CSMD1: variants seen among roughly 807,000 people sequenced by gnomAD.
The protein encoded by CSMD1 is CUB and sushi domain-containing protein 1.
Under a neutral mutation model 417.5 loss-of-function variants are expected in CSMD1, and 213 were observed. The ratio of observed to expected loss-of-function variants is 0.51; its 90% confidence interval spans 0.46 to 0.57. CSMD1 has a LOEUF of 0.57. Among genes scored for constraint, CSMD1 ranks in the 20% least tolerant of loss-of-function variants. CSMD1 has a pLI of 0.00. For missense variants in CSMD1, 6,923 were observed against 4,529.7 expected, an observed-to-expected ratio of 1.53 and a Z score of -15.17; for synonymous variants, 2,862 against 1,736.8, an observed-to-expected ratio of 1.65 and a Z score of -16.11.
chr8:3,403,304 A>T (rs909777646), intron 15 of CSMD1, among the ~76,000 whole-genome samples: 2 of 151,896 alleles, frequency 1.3e-5, no homozygotes, highest in African/African-American at 2.4e-5. Flanking sequence ...TTGCTATTTT[A>T]TTTTTTTCCC....
chr8:4,451,130 C>G (rs12549823), intron 2 of CSMD1, among the ~76,000 whole-genome samples: 20,830 of 152,168 alleles, frequency 0.14, 1,856 homozygotes, highest in South Asian at 0.27. Flanking sequence ...GAGATCCAGA[C>G]TAGCCTGGGC....
intron 40 of CSMD1, among the ~76,000 whole-genome samples, chr8:3,149,091 C>G (rs1383129508): frequency 3.3e-5 from 5 of 152,084 alleles, no homozygotes; most frequent in African/African-American, 1.2e-4. Context: ...TCATTTCAGT[C>G]TTTCTTTAAA....
chr8:3,953,534 G>A (rs1402341013), intron 5 of CSMD1, among the ~76,000 whole-genome samples: 2 of 152,120 alleles, frequency 1.3e-5, no homozygotes, highest in East Asian at 3.9e-4. Context: ...ATTGCCCTGA[G>A]TGGAGTTTTA....
At chr8:4,665,394 T>C (rs1684820672) in intron 1 of CSMD1, among the ~76,000 whole-genome samples, 1 of 152,054 alleles carries the variant, frequency 6.6e-6, no homozygotes, top group South Asian at 2.1e-4. Flanking sequence ...GGTCCATGAG[T>C]CGTGAAAGTT....
intron 5 of CSMD1, among the ~76,000 whole-genome samples, chr8:3,788,918 G>T (rs554912714): frequency 9.9e-5 from 15 of 152,274 alleles, no homozygotes; most frequent in African/African-American, 3.4e-4. Context: ...AGGGACTTAG[G>T]CTATGGGTAC....
intron 1 of CSMD1, among the ~76,000 whole-genome samples, chr8:4,808,148 A>T (rs932964472): frequency 6.6e-6 from 1 of 152,182 alleles, no homozygotes; most frequent in Non-Finnish European, 1.5e-5. Context: ...CACCACCACG[A>T]TTCCGGCGGT....
At chr8:4,942,665 G>A (rs142253552) in intron 1 of CSMD1, among the ~76,000 whole-genome samples, 1 of 152,118 alleles carries the variant, frequency 6.6e-6, no homozygotes, top group African/African-American at 2.4e-5. Context: ...ATACACATGT[G>A]AGTCACCGCA....
chr8:4,376,527 A>G (rs1247311343), intron 3 of CSMD1, among the ~76,000 whole-genome samples: 1 of 152,172 alleles, frequency 6.6e-6, no homozygotes, highest in Non-Finnish European at 1.5e-5. Context: ...AGTATATTTA[A>G]TCAATTTTTA....
At chr8:3,329,886 G>T (rs13262776) in intron 23 of CSMD1, among the ~76,000 whole-genome samples, 7,611 of 152,272 alleles carry the variant, frequency 0.05, 281 homozygotes, top group East Asian at 0.18. Context: ...GAGGCTCATG[G>T]AAATGCTTTG....
chr8:4,501,225 GC>G (rs1314869351), intron 2 of CSMD1, among the ~76,000 whole-genome samples: 3 of 151,822 alleles, frequency 2.0e-5, no homozygotes, highest in Admixed American at 6.6e-5. Context: ...CTATAACATT[GC>G]TGGGCCAGAG....
intron 1 of CSMD1, among the ~76,000 whole-genome samples, chr8:4,708,418 T>C (rs376550954): frequency 4.9e-4 from 75 of 152,308 alleles, no homozygotes; most frequent in African/African-American, 1.8e-3. Context: ...TGGTAAAAAG[T>C]AAAACTGCTA....
chr8:3,508,947 C>T (rs890516608), intron 10 of CSMD1, among the ~76,000 whole-genome samples: 9 of 152,118 alleles, frequency 5.9e-5, no homozygotes, highest in Non-Finnish European at 1.0e-4. Flanking sequence ...ACTTAAAGTC[C>T]TCATGCTTAG....
At chr8:4,049,357 G>C (rs1034995376) in intron 3 of CSMD1, among the ~76,000 whole-genome samples, 14 of 151,660 alleles carry the variant, frequency 9.2e-5, no homozygotes, top group Non-Finnish European at 1.6e-4. Flanking sequence ...CAAGCTCCTA[G>C]AGTTCTAACA....
intron 1 of CSMD1, among the ~76,000 whole-genome samples, chr8:4,702,475 C>G (rs1196234857): frequency 7.2e-5 from 11 of 152,062 alleles, no homozygotes; most frequent in Admixed American, 2.6e-4. Flanking sequence ...CCCCTTCAGT[C>G]AAAATGTTGC....
chr8:4,042,713 G>A (rs1343672958), intron 3 of CSMD1, among the ~76,000 whole-genome samples: 1 of 149,180 alleles, frequency 6.7e-6, no homozygotes, highest in East Asian at 2.0e-4. Context: ...AACATATGTA[G>A]AAGTGACAGA....
intron 2 of CSMD1, among the ~76,000 whole-genome samples, chr8:4,523,216 T>C (rs182306340): frequency 2.6e-4 from 40 of 152,310 alleles, no homozygotes; most frequent in Admixed American, 2.2e-3. Context: ...ATGTTCACAG[T>C]CTTCTGTGGG....
chr8:3,000,268 T>C (rs576532082), intron 52 of CSMD1, 137 bp from the exon 53 acceptor site: 2 of 426,572 alleles, frequency 4.7e-6, no homozygotes, highest in South Asian at 1.2e-4. Flanking sequence ...CATATATATG[T>C]ATACTTTTAA....
intron 50 of CSMD1, among the ~76,000 whole-genome samples, chr8:3,036,907 G>C (rs960341619): frequency 4.6e-5 from 7 of 152,106 alleles, no homozygotes; most frequent in Non-Finnish European, 8.8e-5. Context: ...TGGGATTTCA[G>C]TGCACCTGTC....
At chr8:3,234,961 A>C (rs1305467533) in intron 26 of CSMD1, among the ~76,000 whole-genome samples, 1 of 152,244 alleles carries the variant, frequency 6.6e-6, no homozygotes, top group Non-Finnish European at 1.5e-5. Flanking sequence ...CCTACTGTAC[A>C]TGCACAATCT....
Sources: gnomAD v4.1 joint callset for allele counts (sites outside exome capture counted in the v4.1 genomes callset) on GRCh38, gnomAD v4.1.1 for gene constraint, MANE v1.5 for transcripts, NCBI Gene and HGNC (gene_info 2026-07-23, HGNC 2026-07-21) for gene names.